Variants in FSTL4 observed in about 807,000 individuals in gnomAD.
The protein encoded by FSTL4 is follistatin like 4.
In FSTL4, 28 loss-of-function variants were observed where a neutral mutation model predicts 78.2. The ratio of observed to expected loss-of-function variants is 0.36; its 90% confidence interval spans 0.27 to 0.49. The LOEUF (loss-of-function observed/expected upper bound fraction) is 0.49, where lower values mean the gene tolerates loss of function less well. Ranked by LOEUF, FSTL4 falls within the 20% of genes least tolerant of loss-of-function variation. The pLI is 0.98. For missense variants in FSTL4, 922 were observed against 1,084.9 expected, an observed-to-expected ratio of 0.85 and a Z score of 2.11; for synonymous variants, 422 against 440.5, an observed-to-expected ratio of 0.96 and a Z score of 0.53.
intron 3 of FSTL4, among the ~76,000 whole-genome samples, chr5:133,536,517 A>C (rs1192492566): frequency 1.3e-5 from 2 of 152,144 alleles, no homozygotes; most frequent in Non-Finnish European, 2.9e-5. Flanking sequence ...CTTTATTATT[A>C]TAATCAATGC....
the FSTL4 span, among the ~76,000 whole-genome samples, chr5:133,697,313 G>A: frequency 1.3e-5 from 2 of 152,108 alleles, no homozygotes; most frequent in Non-Finnish European, 2.9e-5. Flanking sequence ...GGTGAAACAC[G>A]GCCCTGCCCA....
chr5:133,678,383 T>G, the FSTL4 span, among the ~76,000 whole-genome samples: 1 of 152,122 alleles, frequency 6.6e-6, no homozygotes, highest in Non-Finnish European at 1.5e-5. Context: ...CTAGGCAGAT[T>G]CTGGAATTAC....
intron 6 of FSTL4, among the ~76,000 whole-genome samples, chr5:133,289,176 C>G (rs908541815): frequency 5.9e-5 from 9 of 152,188 alleles, no homozygotes; most frequent in African/African-American, 2.2e-4. Flanking sequence ...CAGGGCAGAG[C>G]TGAAAATGAG....
At chr5:133,210,381 C>A in intron 13 of FSTL4, 83 bp from the exon 14 acceptor site, 1 of 770,518 alleles carries the variant, frequency 1.3e-6, no homozygotes, top group Non-Finnish European at 2.2e-6. Flanking sequence ...CACTCCTGGG[C>A]GAGGGGAAAG....
At chr5:133,618,694 G>C in the FSTL4 span, among the ~76,000 whole-genome samples, 1 of 152,206 alleles carries the variant, frequency 6.6e-6, no homozygotes, top group Non-Finnish European at 1.5e-5. Flanking sequence ...TAAGCTCAAA[G>C]AAGTTACCCA....
At position 133,603,879 on chromosome 5, in the gene FSTL4, A is replaced by T; in HGVS notation, c.105T>A (p.Gly35=). 6.2e-7 allele frequency: 1 copy of T among 1,614,126 alleles called. No individual in the cohort carries two copies. Among genetic ancestry groups the T allele is most frequent in the Non-Finnish European group, 8.5e-7 (1 of 1,179,988 alleles). ...ATACCTCTGCCTGTGACTCCCCCAC[A>T]CCCACATCCGGGCCTCTGCTGGTTC... ...DPGTSRGPDV[G]VGESQAEEPR... is the part of the protein sequence containing the mutation. The change falls in exon 2 of 16, where the codon GGT becomes GGA. Residue 35 remains glycine, a synonymous_variant. Transcript: ENST00000265342.
At chr5:133,352,229 C>T (rs1246567292) in intron 4 of FSTL4, among the ~76,000 whole-genome samples, 2 of 147,288 alleles carry the variant, frequency 1.4e-5, no homozygotes, top group African/African-American at 5.1e-5. Flanking sequence ...GTCTTTTGTT[C>T]TCACACACAT....
intron 3 of FSTL4, among the ~76,000 whole-genome samples, chr5:133,536,602 A>G (rs1274445932): frequency 6.6e-6 from 1 of 152,106 alleles, no homozygotes; most frequent in Non-Finnish European, 1.5e-5. Context: ...GTTATAAAGT[A>G]TATGTGGCAT....
At chr5:133,654,844 C>A in the FSTL4 span, among the ~76,000 whole-genome samples, 1 of 152,200 alleles carries the variant, frequency 6.6e-6, no homozygotes, top group African/African-American at 2.4e-5. Flanking sequence ...CTCAGGGCTG[C>A]CCTGGCCACC....
chr5:133,528,865 G>T (rs1477240788), intron 3 of FSTL4, among the ~76,000 whole-genome samples: 2 of 152,212 alleles, frequency 1.3e-5, no homozygotes, highest in Non-Finnish European at 2.9e-5. Context: ...GTTCTTGTTT[G>T]GACACAGAGC....
intron 3 of FSTL4, among the ~76,000 whole-genome samples, chr5:133,494,077 T>C (rs1430664134): frequency 6.6e-6 from 1 of 152,214 alleles, no homozygotes; most frequent in Non-Finnish European, 1.5e-5. Flanking sequence ...ACTTTAGCCA[T>C]ACTAAGATAT....
rs565099522 is a variant in FSTL4 at position 133,513,555 on chromosome 5, T to C, written c.160+53631A>G. Among the ~76,000 whole-genome samples the C allele has an allele frequency of 4.6e-5, 7 of 152,336 alleles. No individual in the cohort carries two copies. In the South Asian group the frequency reaches 1.4e-3, roughly 32 times the overall value. ...AACTGCATGAAGTGGATTCTTCCTA[T>C]AGAATTCTTCCAATTCCAATTCTAT... On this transcript the variant is annotated intron_variant, in intron 3 of 15. Transcript: ENST00000265342.
chr5:133,409,556 T>C (rs1290700509), intron 3 of FSTL4, among the ~76,000 whole-genome samples: 1 of 152,212 alleles, frequency 6.6e-6, no homozygotes, highest in Non-Finnish European at 1.5e-5. Flanking sequence ...CTGTGGTTCC[T>C]TAGACGGAAC....
chr5:133,274,549 C>A (rs1752837667), intron 6 of FSTL4, among the ~76,000 whole-genome samples: 1 of 152,096 alleles, frequency 6.6e-6, no homozygotes, highest in Non-Finnish European at 1.5e-5. Flanking sequence ...TTCTGCCTGA[C>A]CCCATTGGAA....
intron 7 of FSTL4, chr5:133,248,343 A>C (rs929432595): frequency 2.0e-5 from 3 of 152,336 alleles, no homozygotes; most frequent in Non-Finnish European, 2.9e-5. Context: ...CTGGGCAAGC[A>C]TCCCACTGTG....
chr5:133,429,767 G>A (rs1297939459), intron 3 of FSTL4, among the ~76,000 whole-genome samples: 2 of 152,102 alleles, frequency 1.3e-5, no homozygotes, highest in Admixed American at 6.6e-5. Context: ...TCCATTCCCC[G>A]TGAGGCATCC....
intron 13 of FSTL4, 37 bp downstream of exon 13, chr5:133,217,192 A>C: frequency 6.3e-7 from 1 of 1,577,724 alleles, no homozygotes; most frequent in Non-Finnish European, 8.7e-7. Context: ...TGTGCCCCAG[A>C]ATTTGAAGTT....
intron 3 of FSTL4, among the ~76,000 whole-genome samples, chr5:133,460,761 G>T (rs1462380682): frequency 1.3e-5 from 2 of 152,202 alleles, no homozygotes; most frequent in Non-Finnish European, 2.9e-5. Flanking sequence ...AAATTTCTCT[G>T]AGTCTCAGTT....
At chr5:133,688,851 G>A in the FSTL4 span, among the ~76,000 whole-genome samples, 1 of 152,160 alleles carries the variant, frequency 6.6e-6, no homozygotes, top group Non-Finnish European at 1.5e-5. Context: ...CACGGGGCCA[G>A]GGATGTCATC....
Sources: allele counts gnomAD v4.1 joint callset (sites outside exome capture counted in the v4.1 genomes callset), GRCh38; gene constraint gnomAD v4.1.1; transcripts MANE v1.5; gene names NCBI Gene and HGNC (gene_info 2026-07-23, HGNC 2026-07-21).